The following RAP1A variants were observed in gnomAD, a reference collection of about 807,000 sequenced individuals.
RAP1A encodes the protein ras-related protein Rap-1A.
A neutral mutation model predicts 26.4 loss-of-function variants in RAP1A; 6 were observed. That is an observed-to-expected ratio of 0.23 (90% CI 0.12 to 0.45). The LOEUF (loss-of-function observed/expected upper bound fraction) is 0.45. RAP1A is among the 20% of genes least tolerant of loss of function. The pLI, the probability that RAP1A is intolerant of heterozygous loss-of-function variation, is 0.99. For synonymous variants in RAP1A, 73 were observed against 79.4 expected, an observed-to-expected ratio of 0.92 and a Z score of 0.43; for missense variants, 121 against 217.2, an observed-to-expected ratio of 0.56 and a Z score of 2.78.
chr1:111,664,586 T>TC (rs1164451735), intron 1 of RAP1A, among the ~76,000 whole-genome samples: 3 of 152,040 alleles, frequency 2.0e-5, no homozygotes, highest in African/African-American at 7.2e-5. Context: ...CCCCTTCCTC[T>TC]CCCTGGGCTT....
intron 1 of RAP1A, among the ~76,000 whole-genome samples, chr1:111,653,805 AAAG>A (rs1042162708): frequency 1.3e-5 from 2 of 152,152 alleles, no homozygotes; most frequent in Admixed American, 6.6e-5. Flanking sequence ...CAGGGAGAGA[AAAG>A]AAGACTGTGG....
intron 1 of RAP1A, among the ~76,000 whole-genome samples, chr1:111,632,827 A>G (rs1659610351): frequency 6.7e-6 from 1 of 150,038 alleles, no homozygotes; most frequent in African/African-American, 2.4e-5. Flanking sequence ...AGGCTGAGGC[A>G]GGAGAATCCC....
chr1:111,592,407 A>T (rs1658487201), intron 1 of RAP1A, among the ~76,000 whole-genome samples: 1 of 152,208 alleles, frequency 6.6e-6, no homozygotes, highest in Non-Finnish European at 1.5e-5. Flanking sequence ...TTAACCCCAG[A>T]TATTGTCCAC....
At position 111,690,808 on chromosome 1, in the gene RAP1A, G is replaced by A. The variant is rs1171916498; in HGVS notation, c.-27-526G>A. Among the ~76,000 whole-genome samples the A allele has an allele frequency of 2.6e-5, 4 of 152,088 alleles. No individual in the cohort carries two copies. In the South Asian group the frequency reaches 6.2e-4, roughly 24 times the overall value. On this transcript the variant is annotated intron_variant, in intron 1 of 7. Coordinates refer to ENST00000369709, the MANE Select transcript of RAP1A (RefSeq NM_002884.4). ...TGCTAATAACTGCCTATAGTGTTTA[G>A]CAATTTCATCTGATCTCCTGTTCAC...
At chr1:111,679,781 G>C (rs999900463) in intron 1 of RAP1A, among the ~76,000 whole-genome samples, 1 of 152,190 alleles carries the variant, frequency 6.6e-6, no homozygotes, top group Non-Finnish European at 1.5e-5. Context: ...TGTAAACAAA[G>C]CCTCCGGGAA....
chr1:111,679,375 C>T (rs1482289512), intron 1 of RAP1A, among the ~76,000 whole-genome samples: 1 of 152,200 alleles, frequency 6.6e-6, no homozygotes, highest in Non-Finnish European at 1.5e-5. Flanking sequence ...CTACCCATTT[C>T]CCACAGTTTT....
chr1:111,550,438 T>C (rs1657214663), intron 1 of RAP1A, among the ~76,000 whole-genome samples: 1 of 152,192 alleles, frequency 6.6e-6, no homozygotes, highest in Non-Finnish European at 1.5e-5. Context: ...TTTGAGATCT[T>C]TCTTCTTTTT....
intron 1 of RAP1A, among the ~76,000 whole-genome samples, chr1:111,631,493 G>A (rs1383259152): frequency 6.6e-6 from 1 of 152,098 alleles, no homozygotes; most frequent in Non-Finnish European, 1.5e-5. Flanking sequence ...TTATTGTCCA[G>A]TTTTTTTACA....
At chr1:111,569,997 G>A (rs1658014549) in intron 1 of RAP1A, among the ~76,000 whole-genome samples, 1 of 152,192 alleles carries the variant, frequency 6.6e-6, no homozygotes, top group African/African-American at 2.4e-5. Flanking sequence ...AAACGTCAGG[G>A]AGGAAACTGC....
At chr1:111,563,352 T>C (rs1213646523) in intron 1 of RAP1A, among the ~76,000 whole-genome samples, 1 of 152,212 alleles carries the variant, frequency 6.6e-6, no homozygotes, top group African/African-American at 2.4e-5. Context: ...TTACTGTCTA[T>C]CTGGGGAGAT....
At chr1:111,545,906 A>G (rs1302983023) in intron 1 of RAP1A, among the ~76,000 whole-genome samples, 1 of 151,878 alleles carries the variant, frequency 6.6e-6, no homozygotes, top group Non-Finnish European at 1.5e-5. Context: ...AGTCTTGGAA[A>G]CCTGTTGAAA....
intron 1 of RAP1A, among the ~76,000 whole-genome samples, chr1:111,655,828 C>T (rs546559670): frequency 1.4e-4 from 21 of 152,018 alleles, no homozygotes; most frequent in South Asian, 6.2e-4. Flanking sequence ...CGCCCACCAC[C>T]ACGCCTGGCT....
intron 1 of RAP1A, among the ~76,000 whole-genome samples, chr1:111,556,366 AGT>A (rs576437088): frequency 6.6e-6 from 1 of 152,240 alleles, no homozygotes; most frequent in Non-Finnish European, 1.5e-5. Context: ...ATAGTATGGC[AGT>A]TTCTCAAAAA....
At chr1:111,664,168 G>A (rs1266137812) in intron 1 of RAP1A, among the ~76,000 whole-genome samples, 8 of 152,092 alleles carry the variant, frequency 5.3e-5, no homozygotes, top group Non-Finnish European at 5.9e-5. Flanking sequence ...GAGGTCAGGA[G>A]TTCAAGACGA....
At chr1:111,628,597 A>G (rs1249161571) in intron 1 of RAP1A, among the ~76,000 whole-genome samples, 2 of 152,232 alleles carry the variant, frequency 1.3e-5, no homozygotes, top group Non-Finnish European at 2.9e-5. Flanking sequence ...CTTGTAGAGT[A>G]AAGAATGAAT....
At chr1:111,664,373 C>CAA (rs57610280) in intron 1 of RAP1A, among the ~76,000 whole-genome samples, 112 of 89,810 alleles carry the variant, frequency 1.2e-3, no homozygotes, top group African/African-American at 2.1e-3. Flanking sequence ...GACTCCGTCT[C>CAA]AAAAAAAAAA....
intron 1 of RAP1A, among the ~76,000 whole-genome samples, chr1:111,596,232 A>T (rs559583679): frequency 6.7e-6 from 1 of 149,644 alleles, no homozygotes; most frequent in African/African-American, 2.5e-5. Context: ...GGATCCCTTT[A>T]AAAAAAAAAT....
chr1:111,699,056 G>A (rs1571571102), intron 4 of RAP1A, among the ~76,000 whole-genome samples: 1 of 151,444 alleles, frequency 6.6e-6, no homozygotes, highest in Non-Finnish European at 1.5e-5. Context: ...ATCCAATATC[G>A]TGTCTGTCTC....
intron 1 of RAP1A, among the ~76,000 whole-genome samples, chr1:111,670,854 G>T (rs774547238): frequency 6.6e-6 from 1 of 152,170 alleles, no homozygotes; most frequent in Non-Finnish European, 1.5e-5. Context: ...TGTCATAATA[G>T]TATATCAAGT....
Sources: allele counts gnomAD v4.1 joint callset (sites outside exome capture counted in the v4.1 genomes callset), GRCh38; gene constraint gnomAD v4.1.1; transcripts MANE v1.5; gene names NCBI Gene and HGNC (gene_info 2026-07-23, HGNC 2026-07-21).